CALN1: variants seen among roughly 807,000 people sequenced by gnomAD.
The protein encoded by CALN1 is calcium-binding protein 8.
CALN1 carries 17 observed loss-of-function variants against 30.6 expected under a neutral mutation model. The observed-to-expected ratio is 0.56, with a 90% CI of 0.38 to 0.83. CALN1 has a LOEUF of 0.83. CALN1 is among the 40% of genes least tolerant of loss of function. The pLI is 0.00. For synonymous variants in CALN1, 156 were observed against 131.4 expected, an observed-to-expected ratio of 1.19 and a Z score of -1.28; for missense variants, 291 against 354.9, an observed-to-expected ratio of 0.82 and a Z score of 1.45.
intron 5 of CALN1, among the ~76,000 whole-genome samples, chr7:71,965,471 G>T (rs558588608): frequency 3.3e-5 from 5 of 152,306 alleles, no homozygotes; most frequent in African/African-American, 9.6e-5. Context: ...ACTTGCAGAT[G>T]ACATAATTTT....
intron 3 of CALN1, among the ~76,000 whole-genome samples, chr7:72,277,322 A>G (rs1797400922): frequency 6.6e-6 from 1 of 152,230 alleles, no homozygotes; most frequent in East Asian, 1.9e-4. Flanking sequence ...GGTCGCCTGT[A>G]TGGGCTCACT....
At chr7:72,271,672 T>C (rs951639178) in intron 3 of CALN1, among the ~76,000 whole-genome samples, 3 of 147,760 alleles carry the variant, frequency 2.0e-5, no homozygotes, top group Non-Finnish European at 3.0e-5. Context: ...AAGGAGGAGA[T>C]CTAGGTAACG....
At chr7:72,457,321 C>A in the CALN1 span, among the ~76,000 whole-genome samples, 1 of 152,170 alleles carries the variant, frequency 6.6e-6, no homozygotes, top group African/African-American at 2.4e-5. Flanking sequence ...TCAAACTCCA[C>A]AATCTGCCTT....
At chr7:71,932,419 G>A (rs902192484) in intron 5 of CALN1, among the ~76,000 whole-genome samples, 10 of 151,824 alleles carry the variant, frequency 6.6e-5, no homozygotes, top group African/African-American at 4.8e-5. Context: ...CTCCTGCCTC[G>A]GCCTCCCAAA....
At chr7:72,178,489 G>A (rs1187915553) in intron 3 of CALN1, among the ~76,000 whole-genome samples, 1 of 152,040 alleles carries the variant, frequency 6.6e-6, no homozygotes, top group African/African-American at 2.4e-5. Context: ...TCAGGAGTTC[G>A]AGACCAGCCT....
chr7:72,258,352 G>C (rs1474996364), intron 3 of CALN1, among the ~76,000 whole-genome samples: 1 of 152,122 alleles, frequency 6.6e-6, no homozygotes, highest in Non-Finnish European at 1.5e-5. Context: ...CCCTGAAAAA[G>C]AGATTTGTGT....
chr7:72,250,428 T>C (rs1279804619), intron 3 of CALN1, among the ~76,000 whole-genome samples: 1 of 152,216 alleles, frequency 6.6e-6, no homozygotes, highest in Non-Finnish European at 1.5e-5. Flanking sequence ...GAGAGTGATG[T>C]CAGGCACATG....
At chr7:72,407,892 G>A (rs184357963) in intron 1 of CALN1, among the ~76,000 whole-genome samples, 26 of 152,198 alleles carry the variant, frequency 1.7e-4, no homozygotes, top group African/African-American at 6.0e-4. Flanking sequence ...TGGAAACTCA[G>A]ACACAAACAC....
At chr7:71,789,442 G>T (rs760655990) in intron 6 of CALN1, among the ~76,000 whole-genome samples, 76 of 152,010 alleles carry the variant, frequency 5.0e-4, no homozygotes, top group Non-Finnish European at 8.1e-4. Flanking sequence ...TTCTTGTCCA[G>T]CCCCCACCCC....
chr7:72,270,618 T>C (rs1796913793), intron 3 of CALN1, among the ~76,000 whole-genome samples: 1 of 151,852 alleles, frequency 6.6e-6, no homozygotes, highest in Non-Finnish European at 1.5e-5. Context: ...AAAAAAATTT[T>C]TTTTTAATTT....
Position 71,916,672 on chromosome 7 carries a change from G to A in CALN1, c.502-106180C>T, listed in dbSNP as rs560406793. Among the ~76,000 whole-genome samples the A allele has an allele frequency of 6.6e-5, 10 of 152,214 alleles. No individual in the cohort carries two copies. In the South Asian group the frequency reaches 1.9e-3, roughly 28 times the overall value. ...CAACACACACTGGGCACCTGTGCTGGGGGAGGAGGAAAAACATCAGGAAGA... is the reference window on the plus strand; with the variant it reads ...CAACACACACTGGGCACCTGTGCTGAGGGAGGAGGAAAAACATCAGGAAGA... On this transcript the variant is annotated intron_variant, in intron 5 of 6. Transcript: ENST00000395275.
intron 3 of CALN1, among the ~76,000 whole-genome samples, chr7:72,148,101 TAAA>T (rs71300800): frequency 5.4e-5 from 5 of 92,158 alleles, no homozygotes; most frequent in African/African-American, 1.8e-4. Context: ...TAAAAAAAAA[TAAA>T]AAAAAAAAAC....
intron 5 of CALN1, among the ~76,000 whole-genome samples, chr7:71,910,703 C>T (rs1402460380): frequency 1.3e-5 from 2 of 152,170 alleles, no homozygotes; most frequent in Non-Finnish European, 2.9e-5. Context: ...TTCTAGCAGC[C>T]TCATCTTGCT....
chr7:72,080,134 G>A (rs1487626780), intron 4 of CALN1, among the ~76,000 whole-genome samples: 5 of 152,108 alleles, frequency 3.3e-5, no homozygotes, highest in African/African-American at 7.2e-5. Context: ...CTAATGCCAC[G>A]TTTACTGTAA....
At chr7:72,383,322 C>A (rs536207237) in intron 2 of CALN1, among the ~76,000 whole-genome samples, 1 of 152,324 alleles carries the variant, frequency 6.6e-6, no homozygotes, top group East Asian at 1.9e-4. Flanking sequence ...GCTTTTAGTT[C>A]TTTGAGAAAT....
At chr7:72,480,781 G>T in the CALN1 span, among the ~76,000 whole-genome samples, 1 of 151,600 alleles carries the variant, frequency 6.6e-6, no homozygotes, top group Non-Finnish European at 1.5e-5. Context: ...CAAAGAATTT[G>T]TCTGTTTCAT....
intron 2 of CALN1, among the ~76,000 whole-genome samples, chr7:72,308,190 C>A (rs1667088614): frequency 1.3e-5 from 2 of 152,092 alleles, no homozygotes; most frequent in Non-Finnish European, 2.9e-5. Context: ...ATGGCAAAAC[C>A]TCACCTCTAC....
chr7:72,034,862 G>C (rs1025004549), intron 4 of CALN1, among the ~76,000 whole-genome samples: 1 of 147,668 alleles, frequency 6.8e-6, no homozygotes, highest in Non-Finnish European at 1.5e-5. Flanking sequence ...CTTCAAGATA[G>C]CTTCTCAAGT....
chr7:71,809,464 C>A (rs375626569), intron 6 of CALN1, among the ~76,000 whole-genome samples: 420 of 108,288 alleles, frequency 3.9e-3, no homozygotes, highest in Middle Eastern at 0.012. Context: ...TTTAAATGTT[C>A]AAAAAAAAAA....
Sources: gnomAD v4.1 joint callset for allele counts (sites outside exome capture counted in the v4.1 genomes callset) on GRCh38, gnomAD v4.1.1 for gene constraint, MANE v1.5 for transcripts, NCBI Gene and HGNC (gene_info 2026-07-23, HGNC 2026-07-21) for gene names.